Variants in ABHD17C observed in about 807,000 individuals in gnomAD.
ABHD17C encodes the protein abhydrolase domain containing 17C, depalmitoylase, also known as alpha/beta hydrolase domain-containing protein 17C.
In ABHD17C, 11 loss-of-function variants were observed where a neutral mutation model predicts 27.9. The ratio of observed to expected loss-of-function variants is 0.39; its 90% CI spans 0.25 to 0.65. The LOEUF is 0.65. ABHD17C is among the 30% of genes least tolerant of loss of function. The pLI is 0.45. For synonymous variants in ABHD17C, 233 were observed against 209.1 expected (o/e 1.11, Z -0.98); for missense variants, 280 against 470.2 (o/e 0.60, Z 3.74).
At chr15:80,747,162 T>C (rs1895299308) in intron 1 of ABHD17C, among the ~76,000 whole-genome samples, 1 of 152,190 alleles carries the variant, frequency 6.6e-6, no homozygotes, top group African/African-American at 2.4e-5. Context: ...AGAGTGGTCA[T>C]TGTGGAAAGA....
chr15:80,741,481 A>G (rs931356906), intron 1 of ABHD17C, among the ~76,000 whole-genome samples: 3 of 150,698 alleles, frequency 2.0e-5, no homozygotes, highest in South Asian at 2.1e-4. Context: ...AGCCCTGTAC[A>G]TGCAGCAAAA....
At position 80,719,902 on chromosome 15, in the gene ABHD17C, A is replaced by G. The variant is rs540465394; in HGVS notation, c.590+23883A>G. On this transcript the variant is annotated intron_variant, in intron 1 of 2. Coordinates refer to ENST00000258884, the MANE Select transcript of ABHD17C (RefSeq NM_021214.2). ...AGCCTCCGCCTCCCAGGCTCCAACA[A>G]TCCTCCCACCTCAGCCTTCTAAGTA... Among the ~76,000 whole-genome samples, 346 of 152,192 alleles carry G rather than the reference A, an allele frequency of 2.3e-3. 4 individuals are homozygous for G. The highest frequency in any genetic ancestry group is 7.9e-3 in the African/African-American group (328 of 41,514).
Position 80,695,413 on chromosome 15 carries a change from G to T in ABHD17C, c.-17G>T. ...CAGCCAGCCAGCCGGGCCGGCGGCG[G>T]GCACCAGGCCGTCCCGATGCCCGAG... On this transcript the variant is annotated 5_prime_UTR_variant, in exon 1 of 3. Coordinates refer to ENST00000258884, the MANE Select transcript of ABHD17C (RefSeq NM_021214.2). The surrounding 1 kb of genome is among the most constrained non-coding windows in gnomAD (Gnocchi z 4.3). The T allele has an allele frequency of 8.1e-7, 1 of 1,238,494 alleles. No homozygotes were observed. Among genetic ancestry groups the T allele is most frequent in the Non-Finnish European group, 1.0e-6 (1 of 977,554 alleles). 76.7% of individuals were successfully genotyped at this position (1,238,494 alleles called of 1,614,324 possible).
At chr15:80,740,828 T>A (rs1317562397) in intron 1 of ABHD17C, among the ~76,000 whole-genome samples, 3 of 152,184 alleles carry the variant, frequency 2.0e-5, no homozygotes, top group Non-Finnish European at 4.4e-5. Context: ...ACCTTGAGAC[T>A]CTGTTGTAAA....
rs183219739 is a variant in ABHD17C at position 80,738,813 on chromosome 15, T to A, written c.591-10700T>A. Reference sequence around the variant, plus strand: ...AAGGGTGGGGAGGCTAGAGTTCAGATGAAATACTGGGGGCAAATGAACAAA... The same window carrying A: ...AAGGGTGGGGAGGCTAGAGTTCAGAAGAAATACTGGGGGCAAATGAACAAA... On this transcript the variant is annotated intron_variant, in intron 1 of 2. Transcript: ENST00000258884. Among the ~76,000 whole-genome samples the A allele has an allele frequency of 1.2e-3, 178 of 152,224 alleles. 1 individual carries two copies. Among genetic ancestry groups the A allele is most frequent in the Middle Eastern group, 3.4e-3 (1 of 294 alleles).
intron 1 of ABHD17C, among the ~76,000 whole-genome samples, chr15:80,723,138 A>G (rs8037299): frequency 0.011 from 1,406 of 125,022 alleles, 18 homozygotes; most frequent in East Asian, 0.027. Flanking sequence ...GTGTGTATAT[A>G]TGTGTGTGTG....
chr15:80,713,668 G>A (rs1894760965), intron 1 of ABHD17C, among the ~76,000 whole-genome samples: 1 of 151,888 alleles, frequency 6.6e-6, no homozygotes, highest in Non-Finnish European at 1.5e-5. Context: ...AATTAGCCGA[G>A]CGTGGTGGCA....
chr15:80,709,859 T>C (rs1210853479), intron 1 of ABHD17C, among the ~76,000 whole-genome samples: 1 of 152,190 alleles, frequency 6.6e-6, no homozygotes, highest in Non-Finnish European at 1.5e-5. Flanking sequence ...GATCTGCCTG[T>C]TTAACAAACA....
intron 2 of ABHD17C, among the ~76,000 whole-genome samples, chr15:80,753,832 T>G (rs1402696892): frequency 1.3e-5 from 2 of 152,218 alleles, no homozygotes; most frequent in Non-Finnish European, 2.9e-5. Context: ...AAAGCCAAAC[T>G]GTTATGATAT....
intron 1 of ABHD17C, among the ~76,000 whole-genome samples, chr15:80,726,512 T>G (rs868631952): frequency 0.4 from 51,172 of 127,870 alleles, 11,947 homozygotes; most frequent in Middle Eastern, 0.59. Flanking sequence ...TTTTTTTTTT[T>G]TTTTTTTTTT....
intron 1 of ABHD17C, among the ~76,000 whole-genome samples, chr15:80,722,107 A>G (rs16972311): frequency 0.028 from 4,289 of 151,896 alleles, 179 homozygotes; most frequent in East Asian, 0.11. Flanking sequence ...AGAGTTCTCC[A>G]CTCGATTTTA....
intron 1 of ABHD17C, among the ~76,000 whole-genome samples, chr15:80,717,352 A>G (rs1894818821): frequency 6.7e-6 from 1 of 150,094 alleles, no homozygotes; most frequent in East Asian, 1.9e-4. Context: ...TAATTTGAGC[A>G]CTTTCATTTT....
intron 2 of ABHD17C, among the ~76,000 whole-genome samples, chr15:80,751,725 G>C (rs1010326382): frequency 3.3e-5 from 5 of 152,190 alleles, no homozygotes; most frequent in Non-Finnish European, 7.3e-5. Context: ...TTGCACTCCA[G>C]CTTGGGCAAC....
intron 1 of ABHD17C, among the ~76,000 whole-genome samples, chr15:80,709,494 A>C (rs1894699674): frequency 6.6e-6 from 1 of 151,738 alleles, no homozygotes; most frequent in Admixed American, 6.6e-5. Context: ...GTCTCAAAAA[A>C]AAAAAAACAA....
Position 80,720,799 on chromosome 15 carries a change from T to C in ABHD17C, c.590+24780T>C, listed in dbSNP as rs997638310. 2.6e-5 allele frequency among the ~76,000 whole-genome samples: 4 copies of C among 151,598 alleles called. No homozygotes were observed. The South Asian group carries it at 6.3e-4, about 24-fold the overall frequency. ...AGCCAGGCGTGGTGACGGGTGCCTGTAATCCCAGCTACTTGGGAGGCTGAG... is the reference window on the plus strand; with the variant it reads ...AGCCAGGCGTGGTGACGGGTGCCTGCAATCCCAGCTACTTGGGAGGCTGAG... On this transcript the variant is annotated intron_variant, in intron 1 of 2. Coordinates refer to ENST00000258884, the MANE Select transcript of ABHD17C (RefSeq NM_021214.2).
intron 1 of ABHD17C, among the ~76,000 whole-genome samples, chr15:80,703,744 TAA>T (rs1894605760): frequency 1.3e-5 from 2 of 152,290 alleles, no homozygotes; most frequent in South Asian, 2.1e-4. Flanking sequence ...TATAATTTGT[TAA>T]GAGTTGAAAA....
At chr15:80,717,638 G>A (rs1170597854) in intron 1 of ABHD17C, among the ~76,000 whole-genome samples, 6 of 152,070 alleles carry the variant, frequency 3.9e-5, no homozygotes, top group East Asian at 1.9e-4. Context: ...CACCCGCCTC[G>A]GCCTCCCAAA....
intron 1 of ABHD17C, among the ~76,000 whole-genome samples, chr15:80,721,315 C>G (rs752892690): frequency 6.6e-6 from 1 of 151,304 alleles, no homozygotes; most frequent in Non-Finnish European, 1.5e-5. Flanking sequence ...TTTTTTTAAG[C>G]CCTATATGCT....
At chr15:80,703,861 A>G (rs1894607680) in intron 1 of ABHD17C, among the ~76,000 whole-genome samples, 1 of 152,190 alleles carries the variant, frequency 6.6e-6, no homozygotes, top group Non-Finnish European at 1.5e-5. Flanking sequence ...TGAGCCTTGG[A>G]GAGTACCAAA....
Sources: gnomAD v4.1 joint callset for allele counts (sites outside exome capture counted in the v4.1 genomes callset) on GRCh38, gnomAD v4.1.1 for gene constraint, Gnocchi (gnomAD v3.1) non-coding constraint, MANE v1.5 for transcripts, NCBI Gene and HGNC (gene_info 2026-07-23, HGNC 2026-07-21) for gene names.